LRRC1: variants seen among roughly 807,000 people sequenced by gnomAD.
LRRC1 encodes leucine rich repeat containing 1, also known as leucine-rich repeat-containing protein 1.
Under a neutral mutation model 69.9 loss-of-function variants are expected in LRRC1, and 28 were observed. The observed-to-expected ratio is 0.40, with a 90% confidence interval of 0.30 to 0.55. LRRC1 has a LOEUF of 0.55. Among genes scored for constraint, LRRC1 ranks in the 20% least tolerant of loss-of-function variants. The pLI, the probability that LRRC1 is intolerant of heterozygous loss-of-function variation, is 0.47. For missense variants in LRRC1, 498 were observed against 609.0 expected (o/e 0.82, Z 1.92); for synonymous variants, 236 against 240.2 (o/e 0.98, Z 0.16).
intron 4 of LRRC1, 110 bp downstream of exon 4, chr6:53,883,086 T>C (rs760017029): frequency 1.6e-5 from 11 of 667,042 alleles, no homozygotes; most frequent in Non-Finnish European, 2.6e-5. Flanking sequence ...GAAAGCCATT[T>C]ACTCATTCTT....
intron 3 of LRRC1, among the ~76,000 whole-genome samples, chr6:53,879,791 G>A (rs7767443): frequency 0.57 from 86,852 of 151,690 alleles, 25,959 homozygotes; most frequent in East Asian, 0.9. Flanking sequence ...GTCTGTTGCC[G>A]AGGCATGGCT....
intron 2 of LRRC1, among the ~76,000 whole-genome samples, chr6:53,853,611 G>A (rs1766216028): frequency 6.6e-6 from 1 of 152,042 alleles, no homozygotes; most frequent in African/African-American, 2.4e-5. Context: ...CTAGAAATGG[G>A]GTATCATCCC....
chr6:53,906,282 A>G lies in LRRC1; in HGVS notation c.990+1820A>G, dbSNP rs375176269. On this transcript the variant is annotated intron_variant, in intron 10 of 13. Coordinates refer to ENST00000370888, the MANE Select transcript of LRRC1 (RefSeq NM_018214.5). ...CCAGTAAACACGTGACCACTTATGT[A>G]ATGCAGGCTCAGCCCAACCTTTCCA... Among the ~76,000 whole-genome samples, 6 of 152,224 alleles carry G rather than the reference A, an allele frequency of 3.9e-5. No individual in the cohort carries two copies. The East Asian group carries it at 5.8e-4, about 15-fold the overall frequency.
At chr6:53,870,030 C>A (rs1352370062) in intron 2 of LRRC1, among the ~76,000 whole-genome samples, 3 of 152,226 alleles carry the variant, frequency 2.0e-5, no homozygotes. Context: ...TGTTGGGAGT[C>A]AGGAGACTTG....
intron 2 of LRRC1, among the ~76,000 whole-genome samples, chr6:53,846,969 A>C (rs9370235): frequency 1.1e-4 from 16 of 152,040 alleles, no homozygotes; most frequent in Admixed American, 9.8e-4. Flanking sequence ...GAATTTTATA[A>C]TCTATGCTGT....
Position 53,796,556 on chromosome 6 carries a change from G to C in LRRC1, c.159+1141G>C, listed in dbSNP as rs117232248. Among the ~76,000 whole-genome samples, 284 of 152,322 alleles carry C rather than the reference G, an allele frequency of 1.9e-3. 4 individuals carry two copies. In the East Asian group the frequency reaches 0.039, roughly 21 times the overall value. On this transcript the variant is annotated intron_variant, in intron 1 of 13. Coordinates refer to ENST00000370888, the MANE Select transcript of LRRC1 (RefSeq NM_018214.5). ...AAACACTAGTCAAGTGTTCTGACTT[G>C]TTAGAATGACCTGATACGTTCTCCA...
intron 1 of LRRC1, among the ~76,000 whole-genome samples, chr6:53,821,001 G>A (rs1407834966): frequency 6.6e-6 from 1 of 152,110 alleles, no homozygotes; most frequent in Non-Finnish European, 1.5e-5. Context: ...CTTTATTCAG[G>A]TACCACAGCT....
chr6:53,864,471 C>T (rs975516722), intron 2 of LRRC1, among the ~76,000 whole-genome samples: 5 of 152,160 alleles, frequency 3.3e-5, no homozygotes, highest in Non-Finnish European at 5.9e-5. Flanking sequence ...ACTTCAGACC[C>T]TCAACCGCTA....
At chr6:53,867,858 G>A (rs1766753413) in intron 2 of LRRC1, among the ~76,000 whole-genome samples, 1 of 151,392 alleles carries the variant, frequency 6.6e-6, no homozygotes, top group African/African-American at 2.4e-5. Context: ...GGGGGCTGAG[G>A]TGGGAGGATT....
chr6:53,850,938 G>A (rs1228599083), intron 2 of LRRC1, among the ~76,000 whole-genome samples: 2 of 152,078 alleles, frequency 1.3e-5, no homozygotes, highest in Non-Finnish European at 1.5e-5. Context: ...ATGCCAACAA[G>A]GTAGTGTACA....
intron 2 of LRRC1, among the ~76,000 whole-genome samples, chr6:53,856,765 C>G (rs530798278): frequency 6.6e-6 from 1 of 152,234 alleles, no homozygotes; most frequent in African/African-American, 2.4e-5. Context: ...AGGGGAATGG[C>G]TCACATATCA....
intron 2 of LRRC1, among the ~76,000 whole-genome samples, chr6:53,864,232 C>G (rs571536255): frequency 8.0e-4 from 122 of 152,234 alleles, no homozygotes; most frequent in Non-Finnish European, 1.5e-3. Context: ...TCCTGGGTCT[C>G]CACAGAAGCC....
chr6:53,807,824 G>A lies in LRRC1; in HGVS notation c.159+12409G>A, dbSNP rs563840632. On this transcript the variant is annotated intron_variant, in intron 1 of 13. Transcript: ENST00000370888. ...AGTACTGTAGAGAGTGATGCAAATG[G>A]AGATTTCTATTTAAGGCCTCTCTAA... Among the ~76,000 whole-genome samples, 18 of 152,316 alleles carry A rather than the reference G, an allele frequency of 1.2e-4. No homozygotes were observed. The South Asian group carries it at 3.1e-3, about 26-fold the overall frequency.
intron 4 of LRRC1, among the ~76,000 whole-genome samples, chr6:53,894,996 C>G (rs1201543852): frequency 6.6e-6 from 1 of 151,398 alleles, no homozygotes; most frequent in East Asian, 1.9e-4. Flanking sequence ...CAGCTCACTG[C>G]AAGCTCCGCC....
At chr6:53,919,721 C>T (rs766162485) in intron 12 of LRRC1, 51 bp downstream of exon 12, 3 of 1,521,800 alleles carry the variant, frequency 2.0e-6, no homozygotes, top group Non-Finnish European at 2.7e-6. Context: ...TTGAGTAGGA[C>T]CTAATGTCTG....
intron 1 of LRRC1, among the ~76,000 whole-genome samples, chr6:53,804,476 A>G (rs1427980919): frequency 6.6e-6 from 1 of 152,220 alleles, no homozygotes; most frequent in Admixed American, 6.5e-5. Context: ...TTATTAAAAC[A>G]AAAATAGAAC....
At chr6:53,803,000 C>T (rs1474870275) in intron 1 of LRRC1, among the ~76,000 whole-genome samples, 2 of 152,186 alleles carry the variant, frequency 1.3e-5, no homozygotes, top group Non-Finnish European at 2.9e-5. Context: ...TTCCACAACC[C>T]CCAGTTCCCT....
At chr6:53,864,278 C>T (rs1766624237) in intron 2 of LRRC1, among the ~76,000 whole-genome samples, 3 of 152,270 alleles carry the variant, frequency 2.0e-5, no homozygotes, top group African/African-American at 2.4e-5. Context: ...AGCAGGTTCA[C>T]TTCCCGGCAA....
intron 2 of LRRC1, among the ~76,000 whole-genome samples, chr6:53,853,282 A>ATTT (rs59868633): frequency 2.3e-5 from 3 of 130,264 alleles, no homozygotes; most frequent in African/African-American, 8.7e-5. Flanking sequence ...GGTGGTTCAT[A>ATTT]TTTTTTTTTT....
Sources: gnomAD v4.1 joint callset for allele counts (sites outside exome capture counted in the v4.1 genomes callset) on GRCh38, gnomAD v4.1.1 for gene constraint, MANE v1.5 for transcripts, NCBI Gene and HGNC (gene_info 2026-07-23, HGNC 2026-07-21) for gene names.